Variants in FRMPD4 observed in about 807,000 individuals in gnomAD.
FRMPD4 encodes the protein FERM and PDZ domain-containing protein 4.
A neutral mutation model predicts 94.1 loss-of-function variants in FRMPD4; 22 were observed. That is an observed-to-expected ratio of 0.23 (90% confidence interval 0.17 to 0.33). The LOEUF is 0.33. Ranked by LOEUF, FRMPD4 falls within the 10% of genes least tolerant of loss-of-function variation. FRMPD4 has a pLI of 1.00. For synonymous variants in FRMPD4, 631 were observed against 548.6 expected (o/e 1.15, Z -2.10); for missense variants, 1,111 against 1,339.9 (o/e 0.83, Z 2.67).
chrX:12,432,583 C>G (rs769270101), intron 1 of FRMPD4, among the ~76,000 whole-genome samples: 1 of 112,127 alleles, frequency 8.9e-6, no homozygotes, highest in South Asian at 3.8e-4. Flanking sequence ...CTCAGTTCCT[C>G]TCTGGCTGTG....
chrX:11,983,850 C>T (rs1375244695), intron 3 of FRMPD4, among the ~76,000 whole-genome samples: 1 of 112,010 alleles, frequency 8.9e-6, no homozygotes, highest in Non-Finnish European at 1.9e-5. Flanking sequence ...CATGTGCTCA[C>T]TTCAGCAGCA....
intron 3 of FRMPD4, among the ~76,000 whole-genome samples, chrX:12,096,008 C>T (rs2055197874): frequency 8.9e-6 from 1 of 112,060 alleles, no homozygotes; most frequent in Non-Finnish European, 1.9e-5. Flanking sequence ...TGAAGACCTG[C>T]CTTCTCTGGG....
rs993120192 is a variant in FRMPD4, at chrX:12,642,670, C to T, written c.422+27789C>T. Among the ~76,000 whole-genome samples the T allele has an allele frequency of 3.5e-5, 4 of 112,684 alleles. No individual in the cohort carries two copies. The East Asian group carries it at 1.1e-3, about 32-fold the overall frequency. Reference sequence around the variant, plus strand: ...TAATCCCAAAACTTTGGAAGGCCAACGTGGGTGGATTACTTGAGCCCAGGA... The same window carrying T: ...TAATCCCAAAACTTTGGAAGGCCAATGTGGGTGGATTACTTGAGCCCAGGA... On this transcript the variant is annotated intron_variant, in intron 4 of 16. Coordinates refer to ENST00000675598, the MANE Select transcript of FRMPD4 (RefSeq NM_001368397.1).
intron 1 of FRMPD4, among the ~76,000 whole-genome samples, chrX:12,476,389 G>A (rs1469751246): frequency 3.6e-5 from 4 of 111,731 alleles, no homozygotes; most frequent in African/African-American, 1.3e-4. Context: ...AATACCATTT[G>A]GGACATAGGC....
At chrX:11,915,673 A>G (rs1450344712) in intron 3 of FRMPD4, among the ~76,000 whole-genome samples, 2 of 112,570 alleles carry the variant, frequency 1.8e-5, no homozygotes, top group Non-Finnish European at 3.8e-5. Flanking sequence ...ACCATATTGG[A>G]CAGCACAGAT....
At chrX:12,361,274 A>G (rs2055985349) in intron 1 of FRMPD4, among the ~76,000 whole-genome samples, 1 of 112,498 alleles carries the variant, frequency 8.9e-6, no homozygotes, top group Non-Finnish European at 1.9e-5. Context: ...TGGTTAAGAG[A>G]TGGCTTTTAC....
intron 1 of FRMPD4, among the ~76,000 whole-genome samples, chrX:12,343,109 C>A (rs905250498): frequency 5.4e-5 from 6 of 111,809 alleles, no homozygotes; most frequent in African/African-American, 1.9e-4. Context: ...GGAGAAGAGA[C>A]CAGCTGAGGT....
intron 1 of FRMPD4, among the ~76,000 whole-genome samples, chrX:12,191,320 T>G (rs187029923): frequency 6.2e-5 from 7 of 112,303 alleles, no homozygotes; most frequent in Non-Finnish European, 1.1e-4. Context: ...TACAGCCACT[T>G]TAGAAGACAT....
chrX:12,359,417 A>T (rs1187853427), intron 1 of FRMPD4, among the ~76,000 whole-genome samples: 1 of 111,309 alleles, frequency 9.0e-6, no homozygotes, highest in African/African-American at 3.3e-5. Flanking sequence ...GTTTTCAAGG[A>T]ACCACTGCTG....
chrX:12,363,926 G>A (rs757408598), intron 1 of FRMPD4, among the ~76,000 whole-genome samples: 1 of 111,434 alleles, frequency 9.0e-6, no homozygotes, highest in Non-Finnish European at 1.9e-5. Context: ...ATTAGGTGAT[G>A]GAGAGCACTT....
intron 3 of FRMPD4, among the ~76,000 whole-genome samples, chrX:12,613,363 A>G (rs1160540205): frequency 8.9e-6 from 1 of 112,184 alleles, no homozygotes; most frequent in African/African-American, 3.2e-5. Context: ...TGAACTTGGA[A>G]GAGTCCAAGC....
At chrX:12,250,260 G>A (rs2054020091) in intron 1 of FRMPD4, among the ~76,000 whole-genome samples, 1 of 111,130 alleles carries the variant, frequency 9.0e-6, no homozygotes, top group South Asian at 3.8e-4. Context: ...AACTGTTTGT[G>A]GAGCAAGTTA....
At chrX:12,658,595 C>G (rs909866968) in intron 4 of FRMPD4, among the ~76,000 whole-genome samples, 1 of 111,982 alleles carries the variant, frequency 8.9e-6, no homozygotes, top group Non-Finnish European at 1.9e-5. Context: ...CAACAGAGCA[C>G]ACAACCTGGT....
chrX:12,486,887 T>G (rs1298462652), intron 1 of FRMPD4, among the ~76,000 whole-genome samples: 1 of 112,008 alleles, frequency 8.9e-6, no homozygotes, highest in Non-Finnish European at 1.9e-5. Context: ...GCAGATGGAT[T>G]GAAAAAATAT....
At chrX:12,333,124 T>A (rs973426976) in intron 1 of FRMPD4, among the ~76,000 whole-genome samples, 2 of 112,015 alleles carry the variant, frequency 1.8e-5, no homozygotes, top group African/African-American at 6.5e-5. Context: ...AAGATAAACA[T>A]CTGTTTGCTT....
intron 11 of FRMPD4, among the ~76,000 whole-genome samples, chrX:12,705,071 T>C (rs948199373): frequency 8.9e-6 from 1 of 111,852 alleles, no homozygotes; most frequent in Admixed American, 9.5e-5. Flanking sequence ...TCTCCAGACA[T>C]TGCCAAATGT....
intron 3 of FRMPD4, among the ~76,000 whole-genome samples, chrX:12,008,533 C>G (rs765027837): frequency 6.3e-4 from 71 of 112,750 alleles, no homozygotes; most frequent in African/African-American, 2.3e-3. Context: ...TGCTCAAAGT[C>G]ATCCTCAGCA....
chrX:12,425,577 G>A (rs189202896), intron 1 of FRMPD4, among the ~76,000 whole-genome samples: 2 of 111,900 alleles, frequency 1.8e-5, no homozygotes, highest in Admixed American at 1.9e-4. Flanking sequence ...TCAACCGGGG[G>A]TATTTTGAGA....
intron 2 of FRMPD4, among the ~76,000 whole-genome samples, chrX:11,872,518 C>T (rs1305367502): frequency 8.9e-6 from 1 of 111,856 alleles, no homozygotes; most frequent in African/African-American, 3.3e-5. Flanking sequence ...TCTCAGCAAA[C>T]CATGTGATAT....
Sources: allele counts gnomAD v4.1 joint callset (sites outside exome capture counted in the v4.1 genomes callset), GRCh38; gene constraint gnomAD v4.1.1; transcripts MANE v1.5; gene names NCBI Gene and HGNC (gene_info 2026-07-23, HGNC 2026-07-21).